The following BMP2K variants were observed in gnomAD, a reference collection of about 807,000 sequenced individuals.
The protein encoded by BMP2K is BMP-2-inducible protein kinase.
In BMP2K, 74 loss-of-function variants were observed where a neutral mutation model predicts 116.0. That is an observed-to-expected ratio of 0.64 (90% confidence interval 0.53 to 0.77). The LOEUF is 0.77. BMP2K is among the 30% of genes least tolerant of loss of function. The pLI, the probability that BMP2K is intolerant of heterozygous loss-of-function variation, is 0.00. For synonymous variants in BMP2K, 486 were observed against 502.5 expected (o/e 0.97, Z 0.44); for missense variants, 1,365 against 1,403.6 (o/e 0.97, Z 0.44).
chr4:78,869,553 C>A (rs1398672360), intron 10 of BMP2K, among the ~76,000 whole-genome samples: 1 of 152,112 alleles, frequency 6.6e-6, no homozygotes, highest in Non-Finnish European at 1.5e-5. Context: ...AATGACAATG[C>A]TTGCAGTGAC....
intron 1 of BMP2K, among the ~76,000 whole-genome samples, chr4:78,810,736 C>G (rs911071838): frequency 1.6e-4 from 24 of 152,168 alleles, no homozygotes; most frequent in Admixed American, 7.2e-4. Flanking sequence ...TATCATGGAG[C>G]TGGAGAGAGA....
intron 1 of BMP2K, among the ~76,000 whole-genome samples, chr4:78,818,904 C>T (rs1369564496): frequency 2.0e-5 from 3 of 149,812 alleles, no homozygotes; most frequent in Non-Finnish European, 4.4e-5. Flanking sequence ...TCAAGCGATT[C>T]TTGTGCTTCC....
chr4:78,864,732 G>A (rs1028412624), intron 9 of BMP2K, among the ~76,000 whole-genome samples: 1 of 152,294 alleles, frequency 6.6e-6, no homozygotes, highest in Admixed American at 6.5e-5. Context: ...ACTTGAAAAT[G>A]TGTAAGGGGA....
chr4:78,833,888 A>G (rs1730330164), intron 3 of BMP2K, among the ~76,000 whole-genome samples: 1 of 152,210 alleles, frequency 6.6e-6, no homozygotes, highest in Non-Finnish European at 1.5e-5. Context: ...ATGAGCATGT[A>G]AACGCAGAAT....
chr4:78,870,717 G>A, intron 10 of BMP2K, 66 bp from the exon 11 acceptor site: 1 of 1,535,104 alleles, frequency 6.5e-7, no homozygotes, highest in Non-Finnish European at 8.8e-7. Flanking sequence ...AAATGAGCAT[G>A]TTGAAATCCA....
intron 15 of BMP2K, among the ~76,000 whole-genome samples, chr4:78,903,567 A>G (rs747512085): frequency 2.6e-5 from 4 of 151,754 alleles, no homozygotes; most frequent in East Asian, 1.9e-4. Context: ...TATTGTCTCT[A>G]TTTTCTAGAT....
At chr4:78,856,521 T>C (rs2110040024) in intron 7 of BMP2K, among the ~76,000 whole-genome samples, 1 of 151,590 alleles carries the variant, frequency 6.6e-6, no homozygotes, top group East Asian at 1.9e-4. Context: ...TTTTTTTTCC[T>C]TTTTTTTAAA....
chr4:78,829,852 T>C (rs866651046), intron 2 of BMP2K, among the ~76,000 whole-genome samples: 156 of 82,990 alleles, frequency 1.9e-3, no homozygotes, highest in Middle Eastern at 7.2e-3. Context: ...CTTCTCTTCT[T>C]TTTTTCTTTT....
chr4:78,828,888 T>C, intron 2 of BMP2K, among the ~76,000 whole-genome samples: 1 of 152,216 alleles, frequency 6.6e-6, no homozygotes, highest in East Asian at 1.9e-4. Context: ...AGGGTAGTGG[T>C]TGCTGAAGGA....
chr4:78,855,068 T>G (rs535490406), intron 7 of BMP2K, among the ~76,000 whole-genome samples: 44 of 152,258 alleles, frequency 2.9e-4, no homozygotes, highest in African/African-American at 1.0e-3. Flanking sequence ...AGTTACCAGG[T>G]CTATTCCAAA....
chr4:78,851,298 A>G (rs1464149505), intron 7 of BMP2K, among the ~76,000 whole-genome samples: 2 of 152,068 alleles, frequency 1.3e-5, no homozygotes, highest in Non-Finnish European at 1.5e-5. Context: ...ACACCAAGGG[A>G]TAATGTCAGA....
chr4:78,873,658 C>CTGTGTGTG (rs377226626), intron 13 of BMP2K, among the ~76,000 whole-genome samples: 42 of 139,534 alleles, frequency 3.0e-4, no homozygotes, highest in South Asian at 9.9e-4. Flanking sequence ...CTCCCAACCT[C>CTGTGTGTG]TGTGTGTGTG....
At chr4:78,802,068 A>G (rs1227543663) in intron 1 of BMP2K, among the ~76,000 whole-genome samples, 1 of 152,212 alleles carries the variant, frequency 6.6e-6, no homozygotes, top group Non-Finnish European at 1.5e-5. Context: ...TTTTAACTTC[A>G]TTCTAGAAAG....
intron 2 of BMP2K, among the ~76,000 whole-genome samples, chr4:78,828,809 C>G (rs1730008216): frequency 2.0e-5 from 3 of 152,162 alleles, no homozygotes; most frequent in African/African-American, 7.2e-5. Context: ...ATCACCAGAG[C>G]CTTCAGCAAA....
At chr4:78,894,002 C>T (rs974637546) in intron 15 of BMP2K, among the ~76,000 whole-genome samples, 10 of 152,176 alleles carry the variant, frequency 6.6e-5, no homozygotes, top group Admixed American at 6.5e-4. Context: ...TGTCAATGAG[C>T]AGGAATATTT....
chr4:78,848,226 G>C (rs1731100598), intron 6 of BMP2K, among the ~76,000 whole-genome samples: 1 of 151,312 alleles, frequency 6.6e-6, no homozygotes, highest in South Asian at 2.1e-4. Context: ...AGTAATTCTT[G>C]TGGTAGATGA....
At chr4:78,827,072 C>T (rs1352285319) in intron 2 of BMP2K, among the ~76,000 whole-genome samples, 1 of 152,186 alleles carries the variant, frequency 6.6e-6, no homozygotes, top group Non-Finnish European at 1.5e-5. Context: ...TTTATCTCCC[C>T]ATTTTAGACC....
rs1158957553 is a variant in BMP2K at position 78,805,199 on chromosome 4, T to C, written c.179-20838T>C. Among the ~76,000 whole-genome samples, 6 of 152,330 alleles carry C rather than the reference T, an allele frequency of 3.9e-5. No individual in the cohort carries two copies. In the East Asian group the frequency reaches 9.6e-4, roughly 24 times the overall value. On this transcript the variant is annotated intron_variant, in intron 1 of 15. Transcript: ENST00000502613. ...TCCTCATTGAATTCTTTTGGCACCC[T>C]TGTTGAAAATCAATTGATCATAAAA...
At chr4:78,807,005 A>AC (rs1217790752) in intron 1 of BMP2K, among the ~76,000 whole-genome samples, 7 of 151,028 alleles carry the variant, frequency 4.6e-5, no homozygotes, top group Non-Finnish European at 1.0e-4. Context: ...GCCTGCTACC[A>AC]CCCCCAGCTA....
Sources: allele counts gnomAD v4.1 joint callset (sites outside exome capture counted in the v4.1 genomes callset), GRCh38; gene constraint gnomAD v4.1.1; transcripts MANE v1.5; gene names NCBI Gene and HGNC (gene_info 2026-07-23, HGNC 2026-07-21).